The following PLPP4 variants were observed in gnomAD, a reference collection of about 807,000 sequenced individuals.
The protein encoded by PLPP4 is phospholipid phosphatase 4.
A neutral mutation model predicts 32.2 loss-of-function variants in PLPP4; 20 were observed. The ratio of observed to expected loss-of-function variants is 0.62; its 90% CI spans 0.44 to 0.90. PLPP4 has a LOEUF of 0.90. Ranked by LOEUF, PLPP4 falls within the 40% of genes least tolerant of loss-of-function variation. PLPP4 has a pLI of 0.00. For missense variants in PLPP4, 257 were observed against 353.1 expected, an observed-to-expected ratio of 0.73 and a Z score of 2.18; for synonymous variants, 127 against 133.0, an observed-to-expected ratio of 0.95 and a Z score of 0.31.
At chr10:120,470,152 A>G (rs1848454143) in intron 1 of PLPP4, among the ~76,000 whole-genome samples, 1 of 152,204 alleles carries the variant, frequency 6.6e-6, no homozygotes, top group Non-Finnish European at 1.5e-5. Flanking sequence ...TATTTCTGCC[A>G]TGGCCTGGAA....
intron 5 of PLPP4, among the ~76,000 whole-genome samples, chr10:120,526,564 G>A (rs1846400067): frequency 6.6e-6 from 1 of 152,120 alleles, no homozygotes; most frequent in Admixed American, 6.5e-5. Context: ...TGTGCAGAAG[G>A]GCGTAGGTGC....
intron 1 of PLPP4, among the ~76,000 whole-genome samples, chr10:120,475,488 G>A (rs1352665820): frequency 1.3e-5 from 2 of 152,212 alleles, no homozygotes; most frequent in East Asian, 1.9e-4. Context: ...TTGTGGGGCA[G>A]CTACTTGGGA....
intron 1 of PLPP4, among the ~76,000 whole-genome samples, chr10:120,494,166 A>G (rs1012615833): frequency 2.1e-4 from 32 of 152,216 alleles, no homozygotes; most frequent in African/African-American, 7.2e-4. Flanking sequence ...TCAAAACAAG[A>G]CATAACATTG....
intron 6 of PLPP4, among the ~76,000 whole-genome samples, chr10:120,587,851 T>C (rs545041711): frequency 3.0e-4 from 46 of 152,308 alleles, no homozygotes; most frequent in Admixed American, 2.0e-3. Context: ...CTGGGAAGCG[T>C]TGGGAAACTT....
At chr10:120,569,612 A>G (rs1848841257) in intron 5 of PLPP4, among the ~76,000 whole-genome samples, 1 of 152,074 alleles carries the variant, frequency 6.6e-6, no homozygotes, top group Admixed American at 6.6e-5. Flanking sequence ...CCATCATGAG[A>G]TGAAAATCTC....
intron 5 of PLPP4, among the ~76,000 whole-genome samples, chr10:120,544,674 TCC>T (rs1847528571): frequency 6.6e-6 from 1 of 152,200 alleles, no homozygotes; most frequent in African/African-American, 2.4e-5. Context: ...CCTGCTCATC[TCC>T]CCATCTCTTT....
chr10:120,587,007 T>C (rs1327077393), intron 6 of PLPP4, among the ~76,000 whole-genome samples: 3 of 152,090 alleles, frequency 2.0e-5, no homozygotes, highest in Non-Finnish European at 2.9e-5. Flanking sequence ...GAAATATGAC[T>C]AGAAATGATA....
chr10:120,481,148 G>C (rs1844184869), intron 1 of PLPP4, among the ~76,000 whole-genome samples: 1 of 152,200 alleles, frequency 6.6e-6, no homozygotes, highest in African/African-American at 2.4e-5. Flanking sequence ...TGGAGCATGG[G>C]GTGGAGTCTG....
chr10:120,495,852 T>TA (rs1844939010), intron 1 of PLPP4, among the ~76,000 whole-genome samples: 1 of 152,224 alleles, frequency 6.6e-6, no homozygotes, highest in African/African-American at 2.4e-5. Flanking sequence ...CCACTGTTTG[T>TA]GGAGGCCTTC....
Position 120,590,602 on chromosome 10 carries a change from AC to A in PLPP4, c.*1102del, listed in dbSNP as rs1317837258. On this transcript the variant is annotated 3_prime_UTR_variant, in exon 7 of 7. Transcript: ENST00000398250. ...TGTTGAATACAGCCAGTCAATATGA[AC>A]CTTTTTCAGTCTGAGTATAGAGCAC... Among the ~76,000 whole-genome samples the A allele has an allele frequency of 1.3e-5, 2 of 151,964 alleles. No homozygotes were observed. The highest frequency in any genetic ancestry group is 2.9e-5 in the Non-Finnish European group (2 of 67,988).
intron 3 of PLPP4, among the ~76,000 whole-genome samples, chr10:120,517,593 C>T (rs1845983217): frequency 2.0e-5 from 3 of 152,304 alleles, no homozygotes; most frequent in Admixed American, 1.3e-4. Flanking sequence ...GTGGCCTGTC[C>T]CTCCTTTCTG....
At chr10:120,475,178 T>C (rs749626187) in intron 1 of PLPP4, among the ~76,000 whole-genome samples, 1 of 152,048 alleles carries the variant, frequency 6.6e-6, no homozygotes, top group Non-Finnish European at 1.5e-5. Context: ...TGAATGATGT[T>C]ATACCCAGCA....
chr10:120,545,301 G>A (rs1382057973), intron 5 of PLPP4, among the ~76,000 whole-genome samples: 2 of 152,204 alleles, frequency 1.3e-5, no homozygotes, highest in African/African-American at 4.8e-5. Context: ...GGATAAGAAT[G>A]ATTTTTGTTT....
chr10:120,568,086 G>A (rs1848770169), intron 5 of PLPP4, among the ~76,000 whole-genome samples: 1 of 152,200 alleles, frequency 6.6e-6, no homozygotes, highest in South Asian at 2.1e-4. Flanking sequence ...ACAAAAATAA[G>A]GACCTGGCTT....
At chr10:120,520,906 G>C in intron 4 of PLPP4, 65 bp from the exon 5 acceptor site, 3 of 1,592,198 alleles carry the variant, frequency 1.9e-6, no homozygotes, top group Non-Finnish European at 2.6e-6. Context: ...AGTTGGGGGG[G>C]TCAGCTTGGG....
At chr10:120,568,555 A>G (rs761079613) in intron 5 of PLPP4, among the ~76,000 whole-genome samples, 92 of 152,330 alleles carry the variant, frequency 6.0e-4, no homozygotes, top group Admixed American at 7.8e-4. Flanking sequence ...CTATTCAAAT[A>G]TCTTCATCAA....
intron 1 of PLPP4, among the ~76,000 whole-genome samples, chr10:120,497,556 A>G (rs574332028): frequency 2.6e-5 from 4 of 152,330 alleles, no homozygotes; most frequent in Non-Finnish European, 5.9e-5. Flanking sequence ...CAAACTAAAG[A>G]GAAAATTGCT....
intron 1 of PLPP4, among the ~76,000 whole-genome samples, chr10:120,493,816 G>A (rs934200552): frequency 6.6e-6 from 1 of 152,158 alleles, no homozygotes; most frequent in African/African-American, 2.4e-5. Context: ...ATCAACGGCA[G>A]CTTACTCCCC....
rs75938596 is a variant in PLPP4, at chr10:120,571,809, G to A, written c.446-3322G>A. Among the ~76,000 whole-genome samples, 1,321 of 152,306 alleles carry A rather than the reference G, an allele frequency of 8.7e-3. 25 individuals carry two copies. The highest frequency in any genetic ancestry group is 0.031 in the African/African-American group (1,270 of 41,568). On this transcript the variant is annotated intron_variant, in intron 5 of 6. Coordinates refer to ENST00000398250, the MANE Select transcript of PLPP4 (RefSeq NM_001030059.3). ...AAAAACAGGAGTGCAGAGAACCAAG[G>A]CTTCCCATAGCTCAGACATGCCCTT...
Sources: allele counts gnomAD v4.1 joint callset (sites outside exome capture counted in the v4.1 genomes callset), GRCh38; gene constraint gnomAD v4.1.1; transcripts MANE v1.5; gene names NCBI Gene and HGNC (gene_info 2026-07-23, HGNC 2026-07-21).